The following ADGRB3 variants were observed in gnomAD, a reference collection of about 807,000 sequenced individuals.
ADGRB3 encodes the protein brain-specific angiogenesis inhibitor 3.
Under a neutral mutation model 193.4 loss-of-function variants are expected in ADGRB3, and 37 were observed. That is an observed-to-expected ratio of 0.19 (90% CI 0.15 to 0.25). ADGRB3 has a LOEUF of 0.25. Ranked by LOEUF, ADGRB3 falls within the 10% of genes least tolerant of loss-of-function variation. ADGRB3 has a pLI of 1.00. For synonymous variants in ADGRB3, 690 were observed against 644.2 expected (o/e 1.07, Z -1.08); for missense variants, 1,637 against 1,852.9 (o/e 0.88, Z 2.14).
intron 19 of ADGRB3, among the ~76,000 whole-genome samples, chr6:69,237,336 T>C (rs1341299801): frequency 6.6e-6 from 1 of 152,014 alleles, no homozygotes; most frequent in African/African-American, 2.4e-5. Flanking sequence ...TAGGCTGTTT[T>C]TAAATTTGGT....
chr6:69,001,287 T>C (rs1211037362), intron 11 of ADGRB3, among the ~76,000 whole-genome samples: 1 of 152,226 alleles, frequency 6.6e-6, no homozygotes, highest in Non-Finnish European at 1.5e-5. Context: ...CCTTCCTGTC[T>C]TTATGATCTG....
At chr6:69,165,973 A>G (rs1775123132) in intron 17 of ADGRB3, among the ~76,000 whole-genome samples, 1 of 152,124 alleles carries the variant, frequency 6.6e-6, no homozygotes. Flanking sequence ...CAGTATTATA[A>G]TAGAAATATT....
chr6:69,132,038 T>C (rs1049495288), intron 17 of ADGRB3, among the ~76,000 whole-genome samples: 2 of 152,230 alleles, frequency 1.3e-5, no homozygotes, highest in African/African-American at 4.8e-5. Context: ...GATGAGCATT[T>C]GGATTGGTTC....
intron 3 of ADGRB3, among the ~76,000 whole-genome samples, chr6:68,656,237 A>G (rs1383338422): frequency 6.6e-6 from 1 of 151,580 alleles, no homozygotes; most frequent in African/African-American, 2.4e-5. Flanking sequence ...TATTACAAAC[A>G]AGAGAATTAG....
chr6:68,982,030 C>T lies in ADGRB3; in HGVS notation c.1734+6690C>T, dbSNP rs1028906858. On this transcript the variant is annotated intron_variant, in intron 10 of 31. Transcript: ENST00000370598. ...CCTCCTGAGTAGCTGGGATTACAGG[C>T]GCCTGCCACCACGCCGGGCTAATTT... is the stretch of plus-strand genomic sequence containing the variant. 4.6e-5 allele frequency among the ~76,000 whole-genome samples: 7 copies of T among 151,924 alleles called. No homozygotes were observed. The East Asian group carries it at 7.8e-4, about 17-fold the overall frequency.
At chr6:69,364,090 A>C (rs1238054668) in intron 29 of ADGRB3, among the ~76,000 whole-genome samples, 1 of 151,998 alleles carries the variant, frequency 6.6e-6, no homozygotes, top group Non-Finnish European at 1.5e-5. Flanking sequence ...CATAGAGAAC[A>C]TCCAGCCTGG....
intron 17 of ADGRB3, among the ~76,000 whole-genome samples, chr6:69,096,064 CAT>C (rs1772866986): frequency 6.6e-6 from 1 of 152,188 alleles, no homozygotes; most frequent in Admixed American, 6.5e-5. Context: ...CTGTGGCTTA[CAT>C]TTCATTTTTT....
At chr6:68,668,518 A>T (rs1371486370) in intron 3 of ADGRB3, among the ~76,000 whole-genome samples, 1 of 151,990 alleles carries the variant, frequency 6.6e-6, no homozygotes, top group Admixed American at 6.6e-5. Flanking sequence ...CAGTTTAATG[A>T]AGAAATATGT....
At chr6:69,190,887 A>G (rs186625966) in intron 17 of ADGRB3, among the ~76,000 whole-genome samples, 4 of 152,304 alleles carry the variant, frequency 2.6e-5, no homozygotes, top group Admixed American at 2.6e-4. Context: ...AACATGTTGC[A>G]CAAGTCTATA....
intron 17 of ADGRB3, among the ~76,000 whole-genome samples, chr6:69,206,029 A>AAT (rs1428007903): frequency 7.1e-4 from 88 of 124,022 alleles, no homozygotes; most frequent in African/African-American, 2.6e-3. Flanking sequence ...GAGAGAGAAT[A>AAT]ATATATATAA....
At chr6:68,684,878 A>G (rs970134937) in intron 3 of ADGRB3, among the ~76,000 whole-genome samples, 3 of 152,136 alleles carry the variant, frequency 2.0e-5, no homozygotes, top group Non-Finnish European at 4.4e-5. Context: ...TGAGTATCAT[A>G]AGAGCATGGG....
intron 20 of ADGRB3, among the ~76,000 whole-genome samples, chr6:69,279,962 A>T (rs1021727000): frequency 6.6e-6 from 1 of 152,190 alleles, no homozygotes; most frequent in Non-Finnish European, 1.5e-5. Flanking sequence ...TACTGCTTTC[A>T]GCTGCTGTAG....
intron 30 of ADGRB3, among the ~76,000 whole-genome samples, chr6:69,380,921 A>T (rs913176038): frequency 6.6e-6 from 1 of 151,820 alleles, no homozygotes; most frequent in African/African-American, 2.4e-5. Flanking sequence ...TCAGTACATC[A>T]CCCCACTGTG....
In ADGRB3 at chr6:68,649,633, A is replaced by G. The variant is rs534324315; in HGVS notation, c.757+10201A>G. 4.8e-4 allele frequency among the ~76,000 whole-genome samples: 73 copies of G among 152,352 alleles called. 1 individual carries two copies. In the South Asian group the frequency reaches 9.1e-3, roughly 19 times the overall value. On this transcript the variant is annotated intron_variant, in intron 3 of 31. Transcript: ENST00000370598. ...CATGTATTTCAACTTCAGAGTCTGT[A>G]TAGATTTACTAAGACAATCTATCTT...
chr6:69,065,706 T>A (rs1379064722), intron 16 of ADGRB3, among the ~76,000 whole-genome samples: 1 of 150,988 alleles, frequency 6.6e-6, no homozygotes, highest in Non-Finnish European at 1.5e-5. Context: ...AGAAAAAATA[T>A]ATCTTAAATA....
intron 18 of ADGRB3, among the ~76,000 whole-genome samples, chr6:69,233,656 T>G (rs1339460777): frequency 2.0e-5 from 3 of 152,222 alleles, no homozygotes; most frequent in Non-Finnish European, 4.4e-5. Flanking sequence ...GTTTCAAGGA[T>G]GAAGTCCAAT....
intron 9 of ADGRB3, 47 bp downstream of exon 9, chr6:68,974,911 A>G (rs2150265574): frequency 6.7e-7 from 1 of 1,487,220 alleles, no homozygotes; most frequent in African/African-American, 1.4e-5. Flanking sequence ...TCCCCATCCA[A>G]GAACAGCATG....
chr6:68,847,608 G>A (rs1243832753), intron 3 of ADGRB3, among the ~76,000 whole-genome samples: 1 of 152,110 alleles, frequency 6.6e-6, no homozygotes, highest in Non-Finnish European at 1.5e-5. Flanking sequence ...TGCCATGTAA[G>A]AAGTGTCTTT....
At chr6:69,324,427 G>T (rs997919220) in intron 20 of ADGRB3, among the ~76,000 whole-genome samples, 1 of 152,084 alleles carries the variant, frequency 6.6e-6, no homozygotes, top group African/African-American at 2.4e-5. Flanking sequence ...TACTCTTACA[G>T]ATATAATTTT....
Sources: gnomAD v4.1 joint callset for allele counts (sites outside exome capture counted in the v4.1 genomes callset) on GRCh38, gnomAD v4.1.1 for gene constraint, MANE v1.5 for transcripts, NCBI Gene and HGNC (gene_info 2026-07-23, HGNC 2026-07-21) for gene names.